Variants in CNTN5 observed in about 807,000 individuals in gnomAD.
CNTN5 encodes contactin-5.
CNTN5 carries 77 observed loss-of-function variants against 129.1 expected under a neutral mutation model. That is an observed-to-expected ratio of 0.60 (90% CI 0.50 to 0.72). The LOEUF is 0.72. Among genes scored for constraint, CNTN5 ranks in the 30% least tolerant of loss-of-function variants. The pLI, the probability that CNTN5 is intolerant of heterozygous loss-of-function variation, is 0.00. For synonymous variants in CNTN5, 509 were observed against 465.6 expected (o/e 1.09, Z -1.20); for missense variants, 1,478 against 1,328.8 (o/e 1.11, Z -1.75).
chr11:100,284,184 C>T (rs1336460402), intron 18 of CNTN5, among the ~76,000 whole-genome samples: 1 of 152,132 alleles, frequency 6.6e-6, no homozygotes, highest in Non-Finnish European at 1.5e-5. Context: ...CCTACCTCTT[C>T]AGTGCATCTT....
At chr11:99,182,880 T>C (rs1017306576) in intron 1 of CNTN5, among the ~76,000 whole-genome samples, 1 of 152,166 alleles carries the variant, frequency 6.6e-6, no homozygotes, top group Non-Finnish European at 1.5e-5. Context: ...ATTTAAAATA[T>C]AATATGCAAT....
intron 1 of CNTN5, among the ~76,000 whole-genome samples, chr11:99,118,305 A>T (rs953117900): frequency 6.6e-6 from 1 of 152,114 alleles, no homozygotes; most frequent in East Asian, 1.9e-4. Context: ...TTTTAATTTT[A>T]TTATACATTT....
chr11:100,056,352 T>C (rs1943221439), intron 9 of CNTN5, among the ~76,000 whole-genome samples: 1 of 151,584 alleles, frequency 6.6e-6, no homozygotes, highest in African/African-American at 2.4e-5. Context: ...TTACCAAATA[T>C]AGCTTTTAAG....
intron 3 of CNTN5, among the ~76,000 whole-genome samples, chr11:99,709,290 C>G (rs1201052824): frequency 2.6e-5 from 4 of 151,808 alleles, no homozygotes; most frequent in South Asian, 2.1e-4. Context: ...AAATATTAAT[C>G]AACATCTACT....
chr11:100,113,457 GAAAGAAA>G (rs1945728892), intron 13 of CNTN5, among the ~76,000 whole-genome samples: 2 of 53,370 alleles, frequency 3.7e-5, no homozygotes, highest in African/African-American at 7.3e-5. Context: ...AAAAAAACAA[GAAAGAAA>G]AAAGAAAAAG....
intron 13 of CNTN5, among the ~76,000 whole-genome samples, chr11:100,109,904 T>TGTG (rs1320855301): frequency 1.3e-5 from 2 of 152,046 alleles, no homozygotes; most frequent in African/African-American, 2.4e-5. Flanking sequence ...CATAGCCATG[T>TGTG]GTGGTGGCTC....
intron 1 of CNTN5, among the ~76,000 whole-genome samples, chr11:99,265,424 GC>G (rs1231278117): frequency 6.6e-6 from 1 of 151,970 alleles, no homozygotes; most frequent in Non-Finnish European, 1.5e-5. Context: ...ATTATTTGGT[GC>G]TCTAATTAAT....
At chr11:99,940,460 G>A (rs1950410389) in intron 7 of CNTN5, among the ~76,000 whole-genome samples, 1 of 152,050 alleles carries the variant, frequency 6.6e-6, no homozygotes, top group Non-Finnish European at 1.5e-5. Context: ...CATTTAAATG[G>A]CCACATAAAG....
intron 2 of CNTN5, among the ~76,000 whole-genome samples, chr11:99,536,787 A>G (rs1947915927): frequency 6.6e-6 from 1 of 151,714 alleles, no homozygotes; most frequent in Non-Finnish European, 1.5e-5. Flanking sequence ...GTCCTGCCCA[A>G]TAGAAATACA....
At chr11:99,663,423 G>T (rs1952668681) in intron 3 of CNTN5, among the ~76,000 whole-genome samples, 1 of 152,122 alleles carries the variant, frequency 6.6e-6, no homozygotes, top group South Asian at 2.1e-4. Flanking sequence ...GGCCAAGATG[G>T]TGCCACTGCA....
chr11:100,255,665 T>A, intron 16 of CNTN5, 95 bp from the exon 17 acceptor site: 1 of 1,052,720 alleles, frequency 9.5e-7, no homozygotes, highest in Non-Finnish European at 1.4e-6. Flanking sequence ...TTAAGGTGAT[T>A]ACATAGTTGG....
At position 100,299,333 on chromosome 11, in the gene CNTN5, G is replaced by A. The variant is rs202207695; in HGVS notation, c.2557G>A (p.Val853Ile). The change falls in exon 20 of 25, where the codon GTT (valine) becomes ATT (isoleucine). Residue 853 changes from valine to isoleucine, a missense_variant. Val to Ile is a conservative substitution (Grantham distance 29). Coordinates refer to ENST00000524871, the MANE Select transcript of CNTN5 (RefSeq NM_014361.4). ...TACTCCCTTTGAAGTGAAAGTTGGC[G>A]TTTATAACAATAAAGGAGATGGGCC... Reference protein sequence around the residue: ...PLTPFEVKVGVYNNKGDGPFS... With the variant: ...PLTPFEVKVGIYNNKGDGPFS... 8.6e-5 allele frequency: 139 copies of A among 1,610,344 alleles called. No individual in the cohort carries two copies. Among genetic ancestry groups the A allele is most frequent in the African/African-American group, 2.5e-4 (19 of 74,592 alleles).
chr11:99,638,612 C>A (rs919547785), intron 3 of CNTN5, among the ~76,000 whole-genome samples: 14 of 152,158 alleles, frequency 9.2e-5, no homozygotes, highest in African/African-American at 3.4e-4. Context: ...TAAATATAAC[C>A]ATTCCCAACG....
intron 3 of CNTN5, among the ~76,000 whole-genome samples, chr11:99,627,647 G>A (rs915789763): frequency 6.6e-6 from 1 of 151,940 alleles, no homozygotes; most frequent in African/African-American, 2.4e-5. Context: ...ACCCACTCAA[G>A]TATTAAAATA....
intron 13 of CNTN5, among the ~76,000 whole-genome samples, chr11:100,106,713 G>T (rs1945447129): frequency 6.6e-6 from 1 of 152,128 alleles, no homozygotes; most frequent in Non-Finnish European, 1.5e-5. Context: ...AGACTATCCA[G>T]ATTTGACTAG....
At chr11:99,720,749 C>T (rs1943144565) in intron 3 of CNTN5, among the ~76,000 whole-genome samples, 1 of 152,078 alleles carries the variant, frequency 6.6e-6, no homozygotes, top group Non-Finnish European at 1.5e-5. Flanking sequence ...CAGGAAAACC[C>T]AGTAGTCTTG....
rs181246213 is a variant in CNTN5 at position 99,692,466 on chromosome 11, G to A, written c.56-127078G>A. On this transcript the variant is annotated intron_variant, in intron 3 of 24. Coordinates refer to ENST00000524871, the MANE Select transcript of CNTN5 (RefSeq NM_014361.4). The stretch of plus-strand genomic sequence containing the variant: ...GTTTCCCGCAGCATTTGTGAAAAAG[G>A]ACTTTATTTCTCCTTCACTTACAAA... Among the ~76,000 whole-genome samples the A allele has an allele frequency of 1.4e-3, 207 of 152,064 alleles. 1 individual carries two copies. Among genetic ancestry groups the A allele is most frequent in the African/African-American group, 4.6e-3 (191 of 41,520 alleles).
chr11:99,539,601 C>A (rs116223169), intron 2 of CNTN5, among the ~76,000 whole-genome samples: 12,661 of 151,914 alleles, frequency 0.083, 610 homozygotes, highest in African/African-American at 0.12. Flanking sequence ...ATTATCTTTC[C>A]TTTTCACATG....
chr11:99,097,263 G>A (rs1866513454), intron 1 of CNTN5, among the ~76,000 whole-genome samples: 1 of 151,824 alleles, frequency 6.6e-6, no homozygotes. Context: ...ATATGTCAAA[G>A]TCATCAACCA....
Sources: allele counts gnomAD v4.1 joint callset (sites outside exome capture counted in the v4.1 genomes callset), GRCh38; gene constraint gnomAD v4.1.1; transcripts MANE v1.5; gene names NCBI Gene and HGNC (gene_info 2026-07-23, HGNC 2026-07-21).